Variants in LONP1 observed in about 807,000 individuals in gnomAD.
LONP1 encodes the protein lon peptidase 1, mitochondrial, also known as lon protease homolog, mitochondrial.
Under a neutral mutation model 98.5 loss-of-function variants are expected in LONP1, and 31 were observed. The observed-to-expected ratio is 0.31, with a 90% CI of 0.24 to 0.42. LONP1 has a LOEUF of 0.42. Among genes scored for constraint, LONP1 ranks in the 20% least tolerant of loss-of-function variants. The pLI, the probability that LONP1 is intolerant of heterozygous loss-of-function variation, is 1.00. For missense variants in LONP1, 1,336 were observed against 1,350.6 expected, an observed-to-expected ratio of 0.99 and a Z score of 0.17; for synonymous variants, 781 against 594.7, an observed-to-expected ratio of 1.31 and a Z score of -4.56.
At chr19:5,708,040 GCCA>G in intron 5 of LONP1, 1 of 627,246 alleles carries the variant, frequency 1.6e-6, no homozygotes. Flanking sequence ...CTCACGTGCA[GCCA>G]CCACGGGAGC....
rs2055181685 is a variant in LONP1, at chr19:5,708,414, T to C, written c.871-11A>G. 1.5e-6 allele frequency: 2 copies of C among 1,340,090 alleles called. No individual in the cohort carries two copies. The highest frequency in any genetic ancestry group is 1.2e-5 in the South Asian group (1 of 86,604). The allele number at this position is 1,340,090 out of a possible 1,614,324, so 83.0% of individuals were successfully genotyped here. A position where few individuals can be genotyped will look rare whatever the true frequency, so the allele number is the denominator to read the frequency against. ...CTCTGCAGTCAGGGCCTGCCAAGTATGGGGCAGGGTCGCTGGGGCCCAGCA... is the reference window on the plus strand; with the variant it reads ...CTCTGCAGTCAGGGCCTGCCAAGTACGGGGCAGGGTCGCTGGGGCCCAGCA... On this transcript the variant is annotated splice_polypyrimidine_tract_variant and intron_variant, in intron 4 of 17. Coordinates refer to ENST00000360614, the MANE Select transcript of LONP1 (RefSeq NM_004793.4).
chr19:5,706,064 G>A (rs1276308494), intron 7 of LONP1, 72 bp from the exon 8 acceptor site: 9 of 973,466 alleles, frequency 9.2e-6, no homozygotes, highest in African/African-American at 6.4e-5. Flanking sequence ...CCCAGACGAA[G>A]GGGGACCCTC....
At chr19:5,706,516 AG>A (rs1417528463) in intron 7 of LONP1, among the ~76,000 whole-genome samples, 1 of 151,982 alleles carries the variant, frequency 6.6e-6, no homozygotes, top group Admixed American at 6.6e-5. Flanking sequence ...CTGAGGTGGG[AG>A]GATCACTTGA....
intron 1 of LONP1, among the ~76,000 whole-genome samples, chr19:5,716,253 A>AATATATATATATATAT (rs1200539692): frequency 3.9e-4 from 28 of 71,714 alleles, no homozygotes; most frequent in South Asian, 1.7e-3. Flanking sequence ...ATAAAGTTAA[A>AATATATATATATATAT]ATATACATAT....
At chr19:5,717,677 CAG>C (rs914111387) in intron 1 of LONP1, 1 of 152,278 alleles carries the variant, frequency 6.6e-6, no homozygotes, top group East Asian at 1.9e-4. Context: ...GCCTCCGGGG[CAG>C]AGTCCTGAAA....
chr19:5,697,789 A>G (rs533682658), intron 10 of LONP1, among the ~76,000 whole-genome samples: 1 of 152,038 alleles, frequency 6.6e-6, no homozygotes, highest in African/African-American at 2.4e-5. Context: ...AGACGTCAGC[A>G]GACGCCTGCC....
At chr19:5,708,268 C>T in intron 5 of LONP1, 74 bp downstream of exon 5, 1 of 1,460,132 alleles carries the variant, frequency 6.8e-7, no homozygotes, top group Non-Finnish European at 9.5e-7. Flanking sequence ...GCTGAGGAAG[C>T]CCCCTACCCA....
chr19:5,707,126 G>A lies in LONP1; in HGVS notation c.1080C>T (p.Tyr360=), dbSNP rs1486805073. ...CCTTCTTCAGCAGGGAGAGGGCCTT[G>A]TACAGCCGCTTAGGAATCTGCCGAG... is the stretch of plus-strand genomic sequence containing the variant. ...LEETNIPKRL[Y]KALSLLKKEF... Residue 360 remains tyrosine, a synonymous_variant, in exon 7 of 18, where the codon TAC becomes TAT. Transcript: ENST00000360614. 5.0e-6 allele frequency: 8 copies of A among 1,613,170 alleles called. No individual in the cohort carries two copies. Among genetic ancestry groups the A allele is most frequent in the Non-Finnish European group, 6.8e-6 (8 of 1,179,910 alleles).
At chr19:5,718,637 C>A (rs2055364865) in intron 1 of LONP1, among the ~76,000 whole-genome samples, 2 of 152,046 alleles carry the variant, frequency 1.3e-5, no homozygotes, top group African/African-American at 4.8e-5. Flanking sequence ...TGACTCACTG[C>A]GTGACCTTGC....
At position 5,696,264 on chromosome 19, in the gene LONP1, G is replaced by T; in HGVS notation, c.1881C>A (p.Pro627=). The change falls in exon 12 of 18, where the codon CCC becomes CCA. Residue 627 remains proline, a synonymous_variant. Coordinates refer to ENST00000360614, the MANE Select transcript of LONP1 (RefSeq NM_004793.4). Reference sequence around the variant, plus strand: ...GGCCCCCCACCTTGGACAAGTCCACGGGCACGTCCAGGTAGTGGTCCAGGA... The same window carrying T: ...GGCCCCCCACCTTGGACAAGTCCACTGGCACGTCCAGGTAGTGGTCCAGGA... The part of the protein sequence containing the change: ...ANFLDHYLDV[P]VDLSKVLFIC... 6.2e-7 allele frequency: 1 copy of T among 1,613,282 alleles called. No individual in the cohort carries two copies.
intron 10 of LONP1, 114 bp downstream of exon 10, chr19:5,698,913 C>CG: frequency 9.2e-7 from 1 of 1,088,884 alleles, no homozygotes; most frequent in Non-Finnish European, 1.3e-6. Flanking sequence ...TGAGTGGAAT[C>CG]GGTTGCCCAC....
rs575049197 is a variant in LONP1 at position 5,693,538 on chromosome 19, G to C, written c.2538+14C>G. 6.2e-7 allele frequency: 1 copy of C among 1,613,910 alleles called. No individual in the cohort carries two copies. Among genetic ancestry groups the C allele is most frequent in the African/African-American group, 1.3e-5 (1 of 75,054 alleles). ...GACTGGGCGGGAGCAGGTGGGAGCGGATGGCGCGGTCACCTCGGGCACATG... is the reference window on the plus strand; with the variant it reads ...GACTGGGCGGGAGCAGGTGGGAGCGCATGGCGCGGTCACCTCGGGCACATG... On this transcript the variant is annotated intron_variant, in intron 16 of 17. Coordinates refer to ENST00000360614, the MANE Select transcript of LONP1 (RefSeq NM_004793.4).
chr19:5,719,670 G>A, intron 1 of LONP1, 34 bp downstream of exon 1: 2 of 1,613,426 alleles, frequency 1.2e-6, no homozygotes, highest in Non-Finnish European at 1.7e-6. Context: ...TGCACAGGTG[G>A]GAAACCTGAG....
intron 13 of LONP1, among the ~76,000 whole-genome samples, 179 bp downstream of exon 13, chr19:5,695,875 G>A (rs1208935644): frequency 1.3e-5 from 2 of 152,172 alleles, no homozygotes; most frequent in East Asian, 1.9e-4. Flanking sequence ...GCCCACTCGC[G>A]CCACCTGCAG....
At chr19:5,703,860 C>T (rs2055100556) in intron 8 of LONP1, among the ~76,000 whole-genome samples, 1 of 152,194 alleles carries the variant, frequency 6.6e-6, no homozygotes, top group South Asian at 2.1e-4. Context: ...ACCCCCTCAG[C>T]TCCTGGGGGA....
In LONP1 at chr19:5,719,750, G is replaced by A; in HGVS notation, c.383C>T (p.Ala128Val). The A allele has an allele frequency of 6.2e-7, 1 of 1,613,834 alleles. No homozygotes were observed. The highest frequency in any genetic ancestry group is 2.2e-5 in the East Asian group (1 of 44,882). Residue 128 changes from alanine (A) to valine (V), a missense_variant, in exon 1 of 18, where the codon GCC (alanine) becomes GTC (valine). Physicochemically the swap from Ala to Val is moderately conservative, Grantham distance 64. Transcript: ENST00000360614. ...PDVFPHLPLI[A>V]ITRNPVFPRF... Reference sequence around the variant, plus strand: ...CGGGAACACCGGGTTGCGGGTGATGGCGATGAGCGGCAGGTGCGGAAACAC... The same window carrying A: ...CGGGAACACCGGGTTGCGGGTGATGACGATGAGCGGCAGGTGCGGAAACAC...
In LONP1 at chr19:5,719,824, G is replaced by A. The variant is rs758309542; in HGVS notation, c.309C>T (p.Ala103=). The A allele has an allele frequency of 7.5e-6, 12 of 1,610,318 alleles. No individual in the cohort carries two copies. The highest frequency in any genetic ancestry group is 2.7e-5 in the African/African-American group (2 of 74,706). The change falls in exon 1 of 18, where the codon GCC becomes GCT. Residue 103 remains alanine, a synonymous_variant. Coordinates refer to ENST00000360614, the MANE Select transcript of LONP1 (RefSeq NM_004793.4). The stretch of plus-strand genomic sequence containing the variant: ...GCGCCGTTATGACCGGGCCTTCCCC[G>A]GCGCCCGCGCTGCCCCCCGCGCCGC... The part of the protein sequence containing the change: ...GAGGAGGSAG[A]GEGPVITALT...
In LONP1 at chr19:5,693,615, G is replaced by T; in HGVS notation, c.2475C>A (p.Leu825=). The T allele has an allele frequency of 6.2e-7, 1 of 1,614,150 alleles. No homozygotes were observed. Among genetic ancestry groups the T allele is most frequent in the Non-Finnish European group, 8.5e-7 (1 of 1,180,012 alleles). ...RIAYTFARAF[L]MQHAPANDYL... is the part of the protein sequence containing the mutation. The stretch of plus-strand genomic sequence containing the variant: ...AGTCATTGGCGGGGGCGTGCTGCAT[G>T]AGGAAGGCTCTGGCGAAGGTGTAGG... Residue 825 remains leucine, a synonymous_variant, in exon 16 of 18, where the codon CTC becomes CTA. Transcript: ENST00000360614.
intron 8 of LONP1, among the ~76,000 whole-genome samples, chr19:5,702,204 T>G (rs1260860695): frequency 5.0e-5 from 6 of 120,804 alleles, no homozygotes; most frequent in South Asian, 5.3e-4. Flanking sequence ...GAGGGAGGAG[T>G]GGGGGTCAGC....
Sources: gnomAD v4.1 joint callset for allele counts (sites outside exome capture counted in the v4.1 genomes callset) on GRCh38, gnomAD v4.1.1 for gene constraint, MANE v1.5 for transcripts, NCBI Gene and HGNC (gene_info 2026-07-23, HGNC 2026-07-21) for gene names.